The following SCMH1 variants were observed in gnomAD, a reference collection of about 807,000 sequenced individuals.
SCMH1 encodes polycomb protein SCMH1.
SCMH1 carries 37 observed loss-of-function variants against 70.8 expected under a neutral mutation model. The observed-to-expected ratio is 0.52, with a 90% CI of 0.40 to 0.69. The LOEUF is 0.69. Among genes scored for constraint, SCMH1 ranks in the 30% least tolerant of loss-of-function variants. The pLI is 0.00. For missense variants in SCMH1, 607 were observed against 827.3 expected (o/e 0.73, Z 3.27); for synonymous variants, 292 against 307.4 (o/e 0.95, Z 0.52).
chr1:41,181,381 C>A (rs1648716305), intron 2 of SCMH1, among the ~76,000 whole-genome samples: 1 of 152,084 alleles, frequency 6.6e-6, no homozygotes, highest in African/African-American at 2.4e-5. Flanking sequence ...TTCTGCACAG[C>A]AAAAGAAACT....
chr1:41,083,957 C>T (rs545922285), intron 8 of SCMH1, among the ~76,000 whole-genome samples: 9 of 152,290 alleles, frequency 5.9e-5, no homozygotes, highest in Non-Finnish European at 1.2e-4. Flanking sequence ...CTTCCTTACA[C>T]CTTATACAAA....
intron 13 of SCMH1, among the ~76,000 whole-genome samples, chr1:41,033,183 T>C (rs1055826054): frequency 6.7e-6 from 1 of 150,154 alleles, no homozygotes; most frequent in Non-Finnish European, 1.5e-5. Context: ...ACTTGGAAGG[T>C]AGCTTGAGAG....
intron 1 of SCMH1, among the ~76,000 whole-genome samples, chr1:41,193,532 G>T (rs74069100): frequency 3.3e-4 from 50 of 152,152 alleles, no homozygotes; most frequent in South Asian, 6.2e-4. Context: ...GTTGGGGGGG[G>T]GTTGAGGAAA....
chr1:41,151,546 T>C (rs985705015), intron 5 of SCMH1, 68 bp downstream of exon 5: 1 of 1,296,772 alleles, frequency 7.7e-7, no homozygotes, highest in African/African-American at 1.5e-5. Context: ...ACCTCCTGTT[T>C]TGATTGTCTA....
intron 1 of SCMH1, among the ~76,000 whole-genome samples, chr1:41,230,573 C>T (rs1472739896): frequency 6.6e-6 from 1 of 151,832 alleles, no homozygotes; most frequent in African/African-American, 2.4e-5. Flanking sequence ...GAAGAGGATC[C>T]CCTGAGCCCA....
intron 1 of SCMH1, among the ~76,000 whole-genome samples, chr1:41,240,080 A>C (rs1314119806): frequency 1.3e-5 from 2 of 152,252 alleles, no homozygotes; most frequent in Non-Finnish European, 2.9e-5. Context: ...GGTGCTATGC[A>C]AATGTTTACC....
intron 8 of SCMH1, among the ~76,000 whole-genome samples, chr1:41,104,724 G>A (rs1284897142): frequency 2.0e-5 from 3 of 152,162 alleles, no homozygotes; most frequent in Non-Finnish European, 2.9e-5. Flanking sequence ...CAGGAGACAA[G>A]AGGGGTATAT....
chr1:41,229,214 A>AG (rs1660846018), intron 1 of SCMH1, among the ~76,000 whole-genome samples: 1 of 152,082 alleles, frequency 6.6e-6, no homozygotes. Context: ...AAAAAAAAAA[A>AG]GATTCATTAA....
intron 10 of SCMH1, among the ~76,000 whole-genome samples, chr1:41,063,234 G>A (rs1450150452): frequency 3.9e-5 from 6 of 152,192 alleles, no homozygotes; most frequent in Non-Finnish European, 8.8e-5. Flanking sequence ...AGCACTTTGG[G>A]AGGCTGAGGC....
At chr1:41,208,808 A>T (rs746302231) in intron 1 of SCMH1, among the ~76,000 whole-genome samples, 3 of 152,212 alleles carry the variant, frequency 2.0e-5, no homozygotes, top group Non-Finnish European at 4.4e-5. Flanking sequence ...CTAGCATCAC[A>T]ATTAAAAGAA....
chr1:41,159,791 CAGA>C (rs1284613621), intron 4 of SCMH1: 6 of 1,489,594 alleles, frequency 4.0e-6, no homozygotes, highest in South Asian at 1.4e-5. Context: ...CAAAGAATGT[CAGA>C]AGATTTGACT....
chr1:41,092,315 G>A (rs1200996792), intron 8 of SCMH1, among the ~76,000 whole-genome samples: 1 of 152,132 alleles, frequency 6.6e-6, no homozygotes, highest in African/African-American at 2.4e-5. Context: ...AAACTGGCTG[G>A]CCATATGTAG....
intron 4 of SCMH1, among the ~76,000 whole-genome samples, chr1:41,157,902 T>A (rs902037273): frequency 2.0e-5 from 3 of 152,374 alleles, no homozygotes; most frequent in East Asian, 1.9e-4. Flanking sequence ...TATTCATTTT[T>A]AAAATCTTTA....
intron 6 of SCMH1, among the ~76,000 whole-genome samples, chr1:41,131,261 A>G (rs1034461195): frequency 4.6e-5 from 7 of 152,184 alleles, no homozygotes; most frequent in Admixed American, 4.6e-4. Context: ...GTCTGTCTTC[A>G]TGCCAGAACC....
intron 1 of SCMH1, among the ~76,000 whole-genome samples, chr1:41,222,456 T>A (rs904957408): frequency 6.6e-6 from 1 of 152,178 alleles, no homozygotes; most frequent in Non-Finnish European, 1.5e-5. Flanking sequence ...ACCTTTACCT[T>A]CATATAGGAA....
chr1:41,151,089 T>C (rs754628727), intron 5 of SCMH1, among the ~76,000 whole-genome samples: 1 of 152,194 alleles, frequency 6.6e-6, no homozygotes, highest in Non-Finnish European at 1.5e-5. Context: ...CTTCTTTGCT[T>C]ATCAGCCATA....
At chr1:41,072,420 C>A (rs1456994508) in intron 9 of SCMH1, among the ~76,000 whole-genome samples, 1 of 152,160 alleles carries the variant, frequency 6.6e-6, no homozygotes. Context: ...TATCTCATTT[C>A]CATTTTACAG....
intron 4 of SCMH1, among the ~76,000 whole-genome samples, chr1:41,156,834 C>T (rs1645592506): frequency 6.6e-6 from 1 of 151,680 alleles, no homozygotes; most frequent in Admixed American, 6.6e-5. Flanking sequence ...AAAGAACATA[C>T]TGATTTTTCT....
chr1:41,222,978 T>C (rs746262546), intron 1 of SCMH1, among the ~76,000 whole-genome samples: 4 of 152,214 alleles, frequency 2.6e-5, no homozygotes, highest in Non-Finnish European at 4.4e-5. Flanking sequence ...TGTATTATAA[T>C]TTATTTGTCT....
Sources: gnomAD v4.1 joint callset for allele counts (sites outside exome capture counted in the v4.1 genomes callset) on GRCh38, gnomAD v4.1.1 for gene constraint, MANE v1.5 for transcripts, NCBI Gene and HGNC (gene_info 2026-07-23, HGNC 2026-07-21) for gene names.